Variants in ADGRL3 observed in about 807,000 individuals in gnomAD.
ADGRL3 encodes the protein calcium-independent alpha-latrotoxin receptor 3.
A neutral mutation model predicts 153.5 loss-of-function variants in ADGRL3; 62 were observed. The ratio of observed to expected loss-of-function variants is 0.40; its 90% CI spans 0.33 to 0.50. The LOEUF is 0.50. ADGRL3 is among the 20% of genes least tolerant of loss of function. The pLI is 0.47. For missense variants in ADGRL3, 1,641 were observed against 1,859.4 expected (o/e 0.88, Z 2.16); for synonymous variants, 710 against 672.5 (o/e 1.06, Z -0.86).
intron 1 of ADGRL3, among the ~76,000 whole-genome samples, chr4:61,213,085 TA>T (rs571503918): frequency 1.9e-3 from 293 of 152,258 alleles, no homozygotes; most frequent in African/African-American, 6.6e-3. Flanking sequence ...TCCTTGAATT[TA>T]GGGGATGTTG....
intron 2 of ADGRL3, among the ~76,000 whole-genome samples, chr4:61,437,650 T>C (rs1214320290): frequency 1.3e-5 from 2 of 152,216 alleles, no homozygotes; most frequent in East Asian, 3.9e-4. Flanking sequence ...ATCATTTTCA[T>C]CCTATAATTC....
At chr4:61,850,257 A>G (rs1335225564) in intron 9 of ADGRL3, among the ~76,000 whole-genome samples, 2 of 152,058 alleles carry the variant, frequency 1.3e-5, no homozygotes, top group Non-Finnish European at 2.9e-5. Context: ...TTTTTCTCCA[A>G]TTTATAGGTA....
At chr4:61,735,435 C>T (rs971658580) in intron 8 of ADGRL3, among the ~76,000 whole-genome samples, 2 of 152,184 alleles carry the variant, frequency 1.3e-5, no homozygotes, top group Non-Finnish European at 2.9e-5. Context: ...TAGACCAACT[C>T]TATTGTCTGA....
chr4:61,821,971 G>A (rs149117274), intron 9 of ADGRL3, among the ~76,000 whole-genome samples: 78 of 152,172 alleles, frequency 5.1e-4, no homozygotes, highest in Non-Finnish European at 8.8e-4. Flanking sequence ...AAAAACAGTC[G>A]AAATTAACTA....
intron 9 of ADGRL3, among the ~76,000 whole-genome samples, chr4:61,886,519 A>T (rs145799093): frequency 6.6e-6 from 1 of 152,328 alleles, no homozygotes; most frequent in Non-Finnish European, 1.5e-5. Flanking sequence ...GAAGAAAGGT[A>T]CATATTTAGA....
intron 4 of ADGRL3, among the ~76,000 whole-genome samples, chr4:61,561,689 T>G (rs559569117): frequency 5.3e-5 from 8 of 152,176 alleles, no homozygotes; most frequent in Non-Finnish European, 1.2e-4. Context: ...TAACAGTTGT[T>G]CAATTTCTAC....
At chr4:61,361,345 G>A (rs2096279144) in intron 1 of ADGRL3, among the ~76,000 whole-genome samples, 2 of 152,112 alleles carry the variant, frequency 1.3e-5, no homozygotes, top group African/African-American at 2.4e-5. Context: ...TGAGAGGGAA[G>A]CTTTGATTTG....
At chr4:62,067,310 AC>A (rs1342984324) in intron 25 of ADGRL3, among the ~76,000 whole-genome samples, 1 of 152,066 alleles carries the variant, frequency 6.6e-6, no homozygotes, top group Non-Finnish European at 1.5e-5. Context: ...ATCAGCAAGA[AC>A]AACTCTGTTA....
At chr4:61,978,093 G>A (rs2099054276) in intron 17 of ADGRL3, among the ~76,000 whole-genome samples, 1 of 152,086 alleles carries the variant, frequency 6.6e-6, no homozygotes, top group Non-Finnish European at 1.5e-5. Flanking sequence ...GGCTTAGTGT[G>A]GAAGCCAACT....
chr4:61,329,438 C>T (rs1013379379), intron 1 of ADGRL3, among the ~76,000 whole-genome samples: 3 of 151,914 alleles, frequency 2.0e-5, no homozygotes, highest in African/African-American at 7.2e-5. Flanking sequence ...TGAACTTTTT[C>T]TTTATTTCTT....
intron 25 of ADGRL3, among the ~76,000 whole-genome samples, chr4:62,067,305 C>T (rs1209386086): frequency 6.6e-6 from 1 of 151,926 alleles, no homozygotes; most frequent in African/African-American, 2.4e-5. Flanking sequence ...ACAAAATCAG[C>T]AAGAACAACT....
chr4:61,947,183 A>T (rs1377793626), intron 16 of ADGRL3, 61 bp downstream of exon 16: 96 of 1,228,144 alleles, frequency 7.8e-5, no homozygotes, highest in Non-Finnish European at 8.2e-6. Context: ...AACACTGAAC[A>T]TTAAGTGTAT....
At chr4:61,498,466 C>T (rs142040277) in intron 3 of ADGRL3, among the ~76,000 whole-genome samples, 2,585 of 152,032 alleles carry the variant, frequency 0.017, 89 homozygotes, top group African/African-American at 0.06. Flanking sequence ...AGGAGAATGG[C>T]GTAAACCCGG....
At chr4:61,792,934 A>G (rs1329445148) in intron 8 of ADGRL3, among the ~76,000 whole-genome samples, 2 of 151,506 alleles carry the variant, frequency 1.3e-5, no homozygotes, top group African/African-American at 4.9e-5. Flanking sequence ...GTATGACTCT[A>G]TTCTCACACT....
chr4:61,761,381 T>C (rs2096910351), intron 8 of ADGRL3, among the ~76,000 whole-genome samples: 1 of 152,124 alleles, frequency 6.6e-6, no homozygotes, highest in South Asian at 2.1e-4. Flanking sequence ...AGTTTGGAGG[T>C]TAGAAGCAAG....
chr4:61,616,226 G>T (rs1407280750), intron 5 of ADGRL3, among the ~76,000 whole-genome samples: 3 of 152,080 alleles, frequency 2.0e-5, no homozygotes, highest in African/African-American at 7.2e-5. Context: ...TATGTTATTG[G>T]AACTATAACA....
chr4:61,534,891 T>A (rs2098645577), intron 4 of ADGRL3, among the ~76,000 whole-genome samples: 1 of 152,102 alleles, frequency 6.6e-6, no homozygotes, highest in Non-Finnish European at 1.5e-5. Context: ...ACAGAGATAA[T>A]TTGACTTCCT....
At chr4:61,262,683 G>C (rs971685509) in intron 1 of ADGRL3, among the ~76,000 whole-genome samples, 4 of 151,940 alleles carry the variant, frequency 2.6e-5, no homozygotes, top group South Asian at 4.2e-4. Context: ...TATCTTAACA[G>C]AAAAAAGAAA....
intron 8 of ADGRL3, chr4:61,775,634 G>A (rs1380291266): frequency 1.9e-5 from 27 of 1,450,158 alleles, no homozygotes; most frequent in Non-Finnish European, 2.6e-5. Context: ...TTGATTTGGT[G>A]TTCAGCACAA....
Sources: allele counts gnomAD v4.1 joint callset (sites outside exome capture counted in the v4.1 genomes callset), GRCh38; gene constraint gnomAD v4.1.1; transcripts MANE v1.5; gene names NCBI Gene and HGNC (gene_info 2026-07-23, HGNC 2026-07-21).